The following CDH20 variants were observed in gnomAD, a reference collection of about 807,000 sequenced individuals.
CDH20 encodes cadherin-20.
CDH20 carries 29 observed loss-of-function variants against 74.2 expected under a neutral mutation model. The ratio of observed to expected loss-of-function variants is 0.39; its 90% CI spans 0.29 to 0.53. The LOEUF (loss-of-function observed/expected upper bound fraction) is 0.53, where lower values mean the gene tolerates loss of function less well. CDH20 is among the 20% of genes least tolerant of loss of function. The pLI is 0.69. For synonymous variants in CDH20, 469 were observed against 405.4 expected, an observed-to-expected ratio of 1.16 and a Z score of -1.88; for missense variants, 988 against 1,048.3, an observed-to-expected ratio of 0.94 and a Z score of 0.79.
At chr18:61,524,292 C>A (rs963644880) in intron 6 of CDH20, among the ~76,000 whole-genome samples, 1 of 152,136 alleles carries the variant, frequency 6.6e-6, no homozygotes, top group African/African-American at 2.4e-5. Flanking sequence ...TTAACACTGG[C>A]AAAACCAAGG....
At chr18:61,468,477 G>A (rs1910046619) in intron 1 of CDH20, among the ~76,000 whole-genome samples, 1 of 152,066 alleles carries the variant, frequency 6.6e-6, no homozygotes, top group African/African-American at 2.4e-5. Flanking sequence ...AAAGAATAAT[G>A]GTAAATCTTT....
At position 61,450,771 on chromosome 18, in the gene CDH20, C is replaced by A. The variant is rs536531517; in HGVS notation, c.-152-39631C>A. Among the ~76,000 whole-genome samples the A allele has an allele frequency of 3.9e-5, 6 of 152,030 alleles. No homozygotes were observed. In the South Asian group the frequency reaches 1.0e-3, roughly 26 times the overall value. On this transcript the variant is annotated intron_variant, in intron 1 of 11. Transcript: ENST00000262717. Reference sequence around the variant, plus strand: ...AATGGTTTTGCTTTTAAGTGTACCACGGCCATATTTCCATTACTATAAACA... The same window carrying A: ...AATGGTTTTGCTTTTAAGTGTACCAAGGCCATATTTCCATTACTATAAACA...
chr18:61,521,568 T>C lies in CDH20; in HGVS notation c.1018-6399T>C, dbSNP rs1476194070. Among the ~76,000 whole-genome samples the C allele has an allele frequency of 2.0e-5, 3 of 151,380 alleles. 1 individual carries two copies. The highest frequency in any genetic ancestry group is 7.4e-5 in the African/African-American group (3 of 40,756). The stretch of plus-strand genomic sequence containing the variant: ...AAAAGAGGAACTCCACCCTAACTCA[T>C]TTTATGAGGCCAGGATCATCCTGAT... On this transcript the variant is annotated intron_variant, in intron 6 of 11. Coordinates refer to ENST00000262717, the MANE Select transcript of CDH20 (RefSeq NM_031891.4).
intron 9 of CDH20, 56 bp downstream of exon 9, chr18:61,539,201 T>G: frequency 8.2e-6 from 13 of 1,581,744 alleles, no homozygotes; most frequent in Non-Finnish European, 1.1e-5. Flanking sequence ...TGGAAACAAT[T>G]GTTAGATAAC....
Position 61,378,149 on chromosome 18 carries a change from T to G in CDH20, c.-153+44322T>G, listed in dbSNP as rs184954933. Among the ~76,000 whole-genome samples the G allele has an allele frequency of 2.2e-4, 34 of 152,328 alleles. No homozygotes were observed. The East Asian group carries it at 5.8e-3, about 26-fold the overall frequency. Reference sequence around the variant, plus strand: ...TCTACCCCAGGAGCAGATTAAATACTTGTATGGGCATTCTAAATTAAATTT... The same window carrying G: ...TCTACCCCAGGAGCAGATTAAATACGTGTATGGGCATTCTAAATTAAATTT... On this transcript the variant is annotated intron_variant, in intron 1 of 11. Transcript: ENST00000262717.
intron 7 of CDH20, among the ~76,000 whole-genome samples, chr18:61,530,183 G>C (rs1263432524): frequency 2.0e-5 from 3 of 152,158 alleles, no homozygotes; most frequent in Non-Finnish European, 4.4e-5. Context: ...CTAGGTATGA[G>C]GTCCCTGACT....
intron 2 of CDH20, 73 bp from the exon 3 acceptor site, chr18:61,499,113 C>G (rs1771545488): frequency 8.0e-7 from 1 of 1,247,946 alleles, no homozygotes. Flanking sequence ...AAGTTTGTAA[C>G]AAACTGAAAA....
At chr18:61,376,543 C>T (rs1171958643) in intron 1 of CDH20, among the ~76,000 whole-genome samples, 2 of 151,982 alleles carry the variant, frequency 1.3e-5, no homozygotes, top group African/African-American at 4.8e-5. Flanking sequence ...TTGGACTTAT[C>T]ATTAGTTATT....
At chr18:61,517,735 A>AC (rs1295306777) in intron 6 of CDH20, among the ~76,000 whole-genome samples, 1 of 149,874 alleles carries the variant, frequency 6.7e-6, no homozygotes, top group Non-Finnish European at 1.5e-5. Flanking sequence ...GTTTTGTTTT[A>AC]CCCCCAGTGG....
At chr18:61,497,184 T>A (rs1344854469) in intron 2 of CDH20, among the ~76,000 whole-genome samples, 1 of 151,626 alleles carries the variant, frequency 6.6e-6, no homozygotes, top group Non-Finnish European at 1.5e-5. Context: ...CTAAATAAAA[T>A]AAGTAGAAAA....
At chr18:61,385,527 A>G (rs1911564692) in intron 1 of CDH20, among the ~76,000 whole-genome samples, 1 of 152,022 alleles carries the variant, frequency 6.6e-6, no homozygotes, top group Non-Finnish European at 1.5e-5. Flanking sequence ...ATCAACGAAC[A>G]TAATGGACCA....
intron 10 of CDH20, among the ~76,000 whole-genome samples, chr18:61,546,526 G>A (rs535209300): frequency 4.6e-5 from 7 of 152,284 alleles, no homozygotes; most frequent in African/African-American, 1.7e-4. Context: ...CTGCTTCATA[G>A]GGAAACTATT....
chr18:61,471,056 T>C (rs1258317018), intron 1 of CDH20, among the ~76,000 whole-genome samples: 2 of 152,194 alleles, frequency 1.3e-5, no homozygotes, highest in South Asian at 2.1e-4. Flanking sequence ...AAATATATTA[T>C]ATTATGATGA....
intron 1 of CDH20, among the ~76,000 whole-genome samples, chr18:61,397,872 T>C (rs1380904476): frequency 1.3e-5 from 2 of 152,170 alleles, no homozygotes; most frequent in African/African-American, 4.8e-5. Context: ...CTATAAAGTG[T>C]TTATTAAAAG....
intron 1 of CDH20, among the ~76,000 whole-genome samples, chr18:61,410,338 C>T (rs959043870): frequency 6.6e-6 from 1 of 152,066 alleles, no homozygotes; most frequent in African/African-American, 2.4e-5. Context: ...TATGACATAC[C>T]ATTTTTATCT....
intron 7 of CDH20, among the ~76,000 whole-genome samples, chr18:61,535,468 C>T (rs1315508607): frequency 2.6e-5 from 4 of 152,172 alleles, no homozygotes; most frequent in African/African-American, 9.7e-5. Flanking sequence ...GAGCCTCCAT[C>T]CATATTTATT....
chr18:61,396,579 A>T (rs1382395606), intron 1 of CDH20, among the ~76,000 whole-genome samples: 1 of 152,212 alleles, frequency 6.6e-6, no homozygotes, highest in African/African-American at 2.4e-5. Context: ...TGTTGCCTCC[A>T]GATGACTTGG....
chr18:61,428,269 GCT>G (rs1343194226), intron 1 of CDH20, among the ~76,000 whole-genome samples: 1 of 152,074 alleles, frequency 6.6e-6, no homozygotes, highest in African/African-American at 2.4e-5. Context: ...GATCCCTCGG[GCT>G]CTGTTTTTAC....
intron 1 of CDH20, among the ~76,000 whole-genome samples, chr18:61,472,628 T>C (rs997603330): frequency 6.6e-6 from 1 of 152,216 alleles, no homozygotes; most frequent in Non-Finnish European, 1.5e-5. Context: ...TCAAGATTGG[T>C]CAATGAAATA....
Sources: gnomAD v4.1 joint callset for allele counts (sites outside exome capture counted in the v4.1 genomes callset) on GRCh38, gnomAD v4.1.1 for gene constraint, MANE v1.5 for transcripts, NCBI Gene and HGNC (gene_info 2026-07-23, HGNC 2026-07-21) for gene names.